Variants in PSMA3 observed in about 807,000 individuals in gnomAD.
PSMA3 encodes the protein proteasome 20S subunit alpha 3.
In PSMA3, 8 loss-of-function variants were observed where a neutral mutation model predicts 40.0. The observed-to-expected ratio is 0.20, with a 90% confidence interval of 0.12 to 0.36. The LOEUF is 0.36. Among genes scored for constraint, PSMA3 ranks in the 10% least tolerant of loss-of-function variants. The probability of loss-of-function intolerance (pLI) is 1.00; values close to 1 mark genes in which losing one functional copy is unlikely to be tolerated. For synonymous variants in PSMA3, 110 were observed against 100.0 expected (o/e 1.10, Z -0.59); for missense variants, 219 against 310.6 (o/e 0.70, Z 2.22).
chr14:58,263,738 C>G lies in PSMA3; in HGVS notation c.511C>G (p.Gln171Glu). The G allele has an allele frequency of 6.2e-7, 1 of 1,613,806 alleles. No homozygotes were observed. Among genetic ancestry groups the G allele is most frequent in the Non-Finnish European group, 8.5e-7 (1 of 1,179,920 alleles). Reference protein sequence around the residue: ...YWGCAIGKARQAAKTEIEKLQ... With the variant: ...YWGCAIGKAREAAKTEIEKLQ... ...GGGCTGTGCCATCGGCAAAGCCAGG[C>G]AAGCTGCAAAGACGGAAATAGAGAA... is the stretch of plus-strand genomic sequence containing the variant. The change falls in exon 7 of 11, where the codon CAA becomes GAA. Residue 171 changes from glutamine (Q) to glutamate (E), a missense_variant. Transcript: ENST00000216455.
chr14:58,245,542 G>A (rs1359081342), intron 1 of PSMA3: 2 of 152,534 alleles, frequency 1.3e-5, no homozygotes, highest in African/African-American at 2.4e-5. Flanking sequence ...AACAGCGCTT[G>A]TAGGCATTTA....
chr14:58,247,634 C>A, intron 1 of PSMA3, 116 bp from the exon 2 acceptor site: 1 of 642,404 alleles, frequency 1.6e-6, no homozygotes, highest in Non-Finnish European at 2.7e-6. Flanking sequence ...CTCTTGAAAG[C>A]AAGGTCTTTG....
intron 8 of PSMA3, 57 bp downstream of exon 8, chr14:58,267,577 A>G (rs1890481401): frequency 6.7e-7 from 1 of 1,493,740 alleles, no homozygotes; most frequent in African/African-American, 1.4e-5. Flanking sequence ...CTTTGCATAT[A>G]TATATTACAT....
rs1890601226 is a variant in PSMA3, at chr14:58,271,007, C to T, written c.723+9C>T. 1.3e-6 allele frequency: 2 copies of T among 1,596,078 alleles called. No individual in the cohort carries two copies. The highest frequency in any genetic ancestry group is 1.7e-4 in the Middle Eastern group (1 of 5,770). On this transcript the variant is annotated intron_variant, in intron 10 of 10. Coordinates refer to ENST00000216455, the MANE Select transcript of PSMA3 (RefSeq NM_002788.4). Reference sequence around the variant, plus strand: ...CAGAGAAATATGCTAAGGTAAGCCACAGCACAAAAACTTCTCTTGGCCAGG... The same window carrying T: ...CAGAGAAATATGCTAAGGTAAGCCATAGCACAAAAACTTCTCTTGGCCAGG...
intron 3 of PSMA3, among the ~76,000 whole-genome samples, chr14:58,257,497 C>CA (rs1188889919): frequency 0.01 from 1,307 of 129,088 alleles, 13 homozygotes; most frequent in African/African-American, 0.025. Context: ...GACCCCGTAT[C>CA]AAAAAAAAAA....
At chr14:58,270,913 C>A in intron 9 of PSMA3, 21 bp from the exon 10 acceptor site, 1 of 1,563,894 alleles carries the variant, frequency 6.4e-7, no homozygotes, top group Non-Finnish European at 8.8e-7. Context: ...AATTCATTTA[C>A]ACATGTGGCT....
rs185923054 is a variant in PSMA3 at position 58,247,904 on chromosome 14, T to C, written c.104+72T>C. On this transcript the variant is annotated intron_variant, in intron 2 of 10. Coordinates refer to ENST00000216455, the MANE Select transcript of PSMA3 (RefSeq NM_002788.4). ...TATTTTTGGCGATTAGGCTTTGTTA[T>C]GTTACTTTGGTACAAATTAGTATAT... 3.5e-4 allele frequency: 364 copies of C among 1,033,480 alleles called. 3 individuals are homozygous for C. The highest frequency in any genetic ancestry group is 2.5e-3 in the Middle Eastern group (11 of 4,378). The allele number at this position is 1,033,480 out of a possible 1,614,324, so 64.0% of individuals were successfully genotyped here.
intron 7 of PSMA3, among the ~76,000 whole-genome samples, chr14:58,264,136 A>G (rs1890365440): frequency 6.6e-6 from 1 of 152,252 alleles, no homozygotes; most frequent in Admixed American, 6.5e-5. Context: ...TAACTGCTAT[A>G]AAGCCTCAAT....
intron 6 of PSMA3, among the ~76,000 whole-genome samples, chr14:58,262,214 C>G (rs1262097136): frequency 6.6e-6 from 1 of 151,984 alleles, no homozygotes; most frequent in Non-Finnish European, 1.5e-5. Context: ...CAGGCGTGAG[C>G]CACAGTGCCG....
intron 7 of PSMA3, among the ~76,000 whole-genome samples, chr14:58,264,304 GGCTGTGCTCCACCGGTTCTCTTA>G (rs1395494886): frequency 1.3e-5 from 2 of 152,092 alleles, no homozygotes; most frequent in Non-Finnish European, 2.9e-5. Context: ...TTTTATGTCT[GGCTGTGCTCCACCGGTTCTCTTA>G]GCTTTGCTCC....
At chr14:58,259,304 CT>C (rs200698615) in intron 5 of PSMA3, among the ~76,000 whole-genome samples, 4 of 151,384 alleles carry the variant, frequency 2.6e-5, no homozygotes, top group South Asian at 2.1e-4. Context: ...TTTTTCATAA[CT>C]TTTTTTTTGT....
In PSMA3 at chr14:58,271,833, C is replaced by G; in HGVS notation, c.724-18C>G. On this transcript the variant is annotated intron_variant, in intron 10 of 10. Coordinates refer to ENST00000216455, the MANE Select transcript of PSMA3 (RefSeq NM_002788.4). ...CAATTTTAAAAATCAATTTTAAACA[C>G]CTGTTTTCTCTTAACAGGAATCTCT... 1.9e-6 allele frequency: 3 copies of G among 1,585,116 alleles called. No homozygotes were observed. The highest frequency in any genetic ancestry group is 2.6e-6 in the Non-Finnish European group (3 of 1,155,162).
At chr14:58,254,203 G>T (rs1227857851) in intron 3 of PSMA3, among the ~76,000 whole-genome samples, 2 of 150,810 alleles carry the variant, frequency 1.3e-5, no homozygotes, top group Non-Finnish European at 3.0e-5. Flanking sequence ...ATGCTGAACA[G>T]ATTTATTATT....
chr14:58,271,150 TATAA>T (rs1890607147), intron 10 of PSMA3, 152 bp downstream of exon 10: 2 of 461,092 alleles, frequency 4.3e-6, no homozygotes, highest in Non-Finnish European at 7.7e-6. Context: ...TGTTGAATAA[TATAA>T]ATAGACTGGG....
chr14:58,271,968 C>A lies in PSMA3; in HGVS notation c.*73C>A. ...TGTAACTATTTAGCCCTGGATTATA[C>A]ATACTGTCCAATTTTCATTAAATTT... is the stretch of plus-strand genomic sequence containing the variant. On this transcript the variant is annotated 3_prime_UTR_variant, in exon 11 of 11. Transcript: ENST00000216455. 9.2e-7 allele frequency: 1 copy of A among 1,085,874 alleles called. No homozygotes were observed. Among genetic ancestry groups the A allele is most frequent in the Non-Finnish European group, 1.4e-6 (1 of 730,260 alleles). 67.3% of individuals were successfully genotyped at this position (1,085,874 alleles called of 1,614,324 possible).
At chr14:58,265,070 T>A (rs149547325) in intron 7 of PSMA3, 1 of 152,268 alleles carries the variant, frequency 6.6e-6, no homozygotes, top group Non-Finnish European at 1.5e-5. Flanking sequence ...AAGACCAGGC[T>A]GGGCAAAAGA....
chr14:58,254,198 G>T (rs540751906), intron 3 of PSMA3, among the ~76,000 whole-genome samples: 22 of 150,842 alleles, frequency 1.5e-4, no homozygotes, highest in Admixed American at 2.7e-4. Context: ...GAATAATGCT[G>T]AACAGATTTA....
intron 3 of PSMA3, among the ~76,000 whole-genome samples, chr14:58,257,343 A>C (rs1890167714): frequency 6.6e-6 from 1 of 151,608 alleles, no homozygotes; most frequent in East Asian, 2.0e-4. Context: ...TAAAAATACA[A>C]AAAAATTAGC....
rs539333178 is a variant in PSMA3, at chr14:58,246,813, CTGT to C, written c.22-932_22-930del. Among the ~76,000 whole-genome samples, 427 of 152,328 alleles carry C rather than the reference CTGT, an allele frequency of 2.8e-3. 2 individuals are homozygous for C. The highest frequency in any genetic ancestry group is 2.6e-3 in the Non-Finnish European group (179 of 68,038). The stretch of plus-strand genomic sequence containing the variant: ...TCTTTGGAACACCTTATCTTTGCTT[CTGT>C]TGTTCTCTCTACAGCTTATTTTCCG... On this transcript the variant is annotated intron_variant, in intron 1 of 10. Coordinates refer to ENST00000216455, the MANE Select transcript of PSMA3 (RefSeq NM_002788.4).
Sources: allele counts gnomAD v4.1 joint callset (sites outside exome capture counted in the v4.1 genomes callset), GRCh38; gene constraint gnomAD v4.1.1; transcripts MANE v1.5; gene names NCBI Gene and HGNC (gene_info 2026-07-23, HGNC 2026-07-21).